TEKT1: variants seen among roughly 807,000 people sequenced by gnomAD.
The protein encoded by TEKT1 is tektin-1.
In TEKT1, 32 loss-of-function variants were observed where a neutral mutation model predicts 34.8. The observed-to-expected ratio is 0.92, with a 90% CI of 0.69 to 1.23. The LOEUF is 1.23. Among genes scored for constraint, TEKT1 ranks in the 50% most tolerant of loss-of-function variants. The pLI, the probability that TEKT1 is intolerant of heterozygous loss-of-function variation, is 0.00. For missense variants in TEKT1, 492 were observed against 518.5 expected, an observed-to-expected ratio of 0.95 and a Z score of 0.50; for synonymous variants, 207 against 199.8, an observed-to-expected ratio of 1.04 and a Z score of -0.30.
rs1274604718 is a variant in TEKT1 at position 6,819,269 on chromosome 17, A to G, written c.280T>C (p.Tyr94His). 1.2e-6 allele frequency: 2 copies of G among 1,614,128 alleles called. No individual in the cohort carries two copies. Among genetic ancestry groups the G allele is most frequent in the East Asian group, 4.5e-5 (2 of 44,886 alleles). The part of the protein sequence containing the change: ...LVNVTDDLLI[Y>H]KIRLEKALET... Reference sequence around the variant, plus strand: ...AGGGCTTTTTCCAATCTGATCTTATATATGAGTAGATCATCAGTTACATTC... The same window carrying G: ...AGGGCTTTTTCCAATCTGATCTTATGTATGAGTAGATCATCAGTTACATTC... Residue 94 changes from tyrosine to histidine, a missense_variant, in exon 3 of 8, where the codon TAT becomes CAT. Tyr to His is a moderately conservative substitution (Grantham distance 83). Coordinates refer to ENST00000338694, the MANE Select transcript of TEKT1 (RefSeq NM_053285.2).
chr17:6,799,972 T>C lies in TEKT1; in HGVS notation c.*55A>G. The C allele has an allele frequency of 6.5e-7, 1 of 1,528,230 alleles. No homozygotes were observed. The highest frequency in any genetic ancestry group is 8.8e-7 in the Non-Finnish European group (1 of 1,133,202). The allele number at this position is 1,528,230 out of a possible 1,614,324, so 94.7% of individuals were successfully genotyped here. On this transcript the variant is annotated 3_prime_UTR_variant, in exon 8 of 8. Transcript: ENST00000338694. ...CCAGCCTGAAATGAGAGCTCTGTAC[T>C]ACTGTAACTACTGTTTACAATGTGG...
intron 2 of TEKT1, among the ~76,000 whole-genome samples, chr17:6,828,879 C>T (rs569805065): frequency 2.6e-5 from 4 of 152,022 alleles, no homozygotes; most frequent in African/African-American, 9.6e-5. Context: ...AGGCAGGGTG[C>T]GGTGGCTCGT....
intron 6 of TEKT1, among the ~76,000 whole-genome samples, chr17:6,806,350 C>G (rs1383234973): frequency 2.0e-5 from 3 of 152,100 alleles, no homozygotes; most frequent in Non-Finnish European, 4.4e-5. Flanking sequence ...TTATTTTGAG[C>G]CTATGTGTGT....
intron 6 of TEKT1, among the ~76,000 whole-genome samples, chr17:6,807,965 T>TA (rs1976868895): frequency 6.6e-6 from 1 of 152,178 alleles, no homozygotes; most frequent in Non-Finnish European, 1.5e-5. Flanking sequence ...TCCAGCTGCA[T>TA]GCTGGGAGAA....
chr17:6,829,811 C>T (rs1904518941), intron 2 of TEKT1, among the ~76,000 whole-genome samples: 1 of 152,014 alleles, frequency 6.6e-6, no homozygotes, highest in African/African-American at 2.4e-5. Flanking sequence ...TGGCTGAACC[C>T]ATGGATACAA....
Position 6,815,312 on chromosome 17 carries a change from G to A in TEKT1, c.486-6C>T, listed in dbSNP as rs761933593. 1.9e-6 allele frequency: 3 copies of A among 1,614,054 alleles called. No homozygotes were observed. Among genetic ancestry groups the A allele is most frequent in the South Asian group, 2.2e-5 (2 of 91,086 alleles). ...ACTTGGCAGAGCGGTTCATCCTGAA[G>A]GGAGAAAGTAAACTGGGTTTCTGCC... On this transcript the variant is annotated splice_region_variant and splice_polypyrimidine_tract_variant and intron_variant, in intron 4 of 7. Coordinates refer to ENST00000338694, the MANE Select transcript of TEKT1 (RefSeq NM_053285.2).
At chr17:6,828,945 G>A (rs565689062) in intron 2 of TEKT1, among the ~76,000 whole-genome samples, 78 of 152,170 alleles carry the variant, frequency 5.1e-4, no homozygotes, top group African/African-American at 1.6e-3. Context: ...GAGGTCAGGA[G>A]TTCAAGACCA....
At chr17:6,805,720 A>T (rs1408211180) in intron 6 of TEKT1, among the ~76,000 whole-genome samples, 3 of 152,162 alleles carry the variant, frequency 2.0e-5, no homozygotes, top group Admixed American at 2.0e-4. Context: ...TCATTTTGTT[A>T]TGTACCCAGT....
chr17:6,821,698 C>A (rs1422445012), intron 2 of TEKT1, among the ~76,000 whole-genome samples: 1 of 152,126 alleles, frequency 6.6e-6, no homozygotes, highest in Non-Finnish European at 1.5e-5. Flanking sequence ...TTTGGAACTT[C>A]CTAGAGACTT....
At chr17:6,818,908 G>A (rs778861032) in intron 3 of TEKT1, among the ~76,000 whole-genome samples, 1 of 152,096 alleles carries the variant, frequency 6.6e-6, no homozygotes, top group Non-Finnish European at 1.5e-5. Flanking sequence ...GAAAGAAATC[G>A]TTTTCTTTAA....
Position 6,800,146 on chromosome 17 carries a change from C to A in TEKT1, c.1138G>T (p.Glu380Ter). 6.2e-7 allele frequency: 1 copy of A among 1,614,210 alleles called. No homozygotes were observed. Among genetic ancestry groups the A allele is most frequent in the South Asian group, 1.1e-5 (1 of 91,090 alleles). Residue 380 changes from glutamate (E) to a stop codon, truncating the protein, a stop_gained, in exon 8 of 8, where the codon GAG (glutamate) becomes TAG (stop). Coordinates refer to ENST00000338694, the MANE Select transcript of TEKT1 (RefSeq NM_053285.2). LOFTEE classifies it high-confidence loss of function. ...LALQEEIQVK[E>*]NTIYIDEVLC... ...ACTTCGTCGATATAAATGGTGTTCT[C>A]TTTGACCTGGATCTCCTCCTGCAGG...
At chr17:6,828,602 C>T (rs1457767175) in intron 2 of TEKT1, among the ~76,000 whole-genome samples, 1 of 152,118 alleles carries the variant, frequency 6.6e-6, no homozygotes, top group Admixed American at 6.5e-5. Flanking sequence ...CAGCTTCCTC[C>T]TTAGATGGGG....
At chr17:6,820,220 T>C (rs1479887162) in intron 2 of TEKT1, among the ~76,000 whole-genome samples, 4 of 152,148 alleles carry the variant, frequency 2.6e-5, no homozygotes, top group Non-Finnish European at 5.9e-5. Flanking sequence ...AGCCCTATCA[T>C]ACACTGTAAT....
intron 2 of TEKT1, 129 bp from the exon 3 acceptor site, chr17:6,819,487 G>A (rs1977057305): frequency 2.3e-6 from 2 of 879,820 alleles, no homozygotes; most frequent in South Asian, 4.8e-5. Context: ...TGTGCTATTT[G>A]GGGCATCTTT....
At position 6,806,791 on chromosome 17, in the gene TEKT1, C is replaced by T. The variant is rs894133411; in HGVS notation, c.853-5848G>A. Among the ~76,000 whole-genome samples, 12 of 152,210 alleles carry T rather than the reference C, an allele frequency of 7.9e-5. No individual in the cohort carries two copies. In the East Asian group the frequency reaches 9.6e-4, roughly 12 times the overall value. On this transcript the variant is annotated intron_variant, in intron 6 of 7. Coordinates refer to ENST00000338694, the MANE Select transcript of TEKT1 (RefSeq NM_053285.2). Reference sequence around the variant, plus strand: ...TCTTTTCTTTAAGAATGTTGAATATCGGCCCCCACTCTCTTCTGGCTTGTA... The same window carrying T: ...TCTTTTCTTTAAGAATGTTGAATATTGGCCCCCACTCTCTTCTGGCTTGTA...
chr17:6,823,261 T>A (rs9900579), intron 2 of TEKT1, among the ~76,000 whole-genome samples: 9,368 of 152,254 alleles, frequency 0.062, 825 homozygotes, highest in African/African-American at 0.19. Context: ...ACTGGATGCA[T>A]CCAGTTTTGA....
At chr17:6,823,446 A>T (rs1597793491) in intron 2 of TEKT1, among the ~76,000 whole-genome samples, 1 of 152,130 alleles carries the variant, frequency 6.6e-6, no homozygotes, top group African/African-American at 2.4e-5. Context: ...GTATGTGTGC[A>T]CACGCATGTG....
chr17:6,828,903 G>C (rs1000145490), intron 2 of TEKT1, among the ~76,000 whole-genome samples: 1 of 151,870 alleles, frequency 6.6e-6, no homozygotes, highest in Non-Finnish European at 1.5e-5. Flanking sequence ...TGTAATCCCA[G>C]ACTTTGGGAG....
Position 6,801,575 on chromosome 17 carries a change from G to A in TEKT1, c.853-632C>T, listed in dbSNP as rs138756849. On this transcript the variant is annotated intron_variant, in intron 6 of 7. Transcript: ENST00000338694. The stretch of plus-strand genomic sequence containing the variant: ...ATACAAAAATTAGCCGGGTGTTGTG[G>A]CACACACCTGTAATCCCAGATACTC... Among the ~76,000 whole-genome samples the A allele has an allele frequency of 3.3e-3, 507 of 152,182 alleles. 3 individuals carry two copies. Among genetic ancestry groups the A allele is most frequent in the African/African-American group, 0.012 (488 of 41,512 alleles).
Sources: allele counts gnomAD v4.1 joint callset (sites outside exome capture counted in the v4.1 genomes callset), GRCh38; gene constraint gnomAD v4.1.1; transcripts MANE v1.5; gene names NCBI Gene and HGNC (gene_info 2026-07-23, HGNC 2026-07-21).